Variants in ARAP1 observed in about 807,000 individuals in gnomAD.
The protein encoded by ARAP1 is arf-GAP with Rho-GAP domain, ANK repeat and PH domain-containing protein 1.
A neutral mutation model predicts 172.2 loss-of-function variants in ARAP1; 76 were observed. The observed-to-expected ratio is 0.44, with a 90% CI of 0.37 to 0.53. ARAP1 has a LOEUF of 0.53. ARAP1 is among the 20% of genes least tolerant of loss of function. The pLI, the probability that ARAP1 is intolerant of heterozygous loss-of-function variation, is 0.00. For synonymous variants in ARAP1, 804 were observed against 803.3 expected, an observed-to-expected ratio of 1.00 and a Z score of -0.01; for missense variants, 1,686 against 1,977.5, an observed-to-expected ratio of 0.85 and a Z score of 2.80.
chr11:72,719,653 C>T (rs1857426110), intron 3 of ARAP1, among the ~76,000 whole-genome samples: 1 of 152,228 alleles, frequency 6.6e-6, no homozygotes, highest in Non-Finnish European at 1.5e-5. Context: ...TTCTCCTTCA[C>T]CCCTACCCGT....
rs1490180417 is a variant in ARAP1 at position 72,702,906 on chromosome 11, T to C, written c.2166A>G (p.Thr722=). 2.6e-6 allele frequency: 4 copies of C among 1,553,276 alleles called. No individual in the cohort carries two copies. Among genetic ancestry groups the C allele is most frequent in the East Asian group, 4.9e-5 (2 of 41,130 alleles). Reference sequence around the variant, plus strand: ...ACCCCCACCCTCTGCCACGCTCACCTGTGGTCCGGTTGTTCCGAAGGAATT... The same window carrying C: ...ACCCCCACCCTCTGCCACGCTCACCCGTGGTCCGGTTGTTCCGAAGGAATT... ...QMEFLRNNRT[T]EVPRLDSMKP... is the part of the protein sequence containing the mutation. The change falls in exon 15 of 35, where the codon ACA becomes ACG. Residue 722 remains threonine, a splice_region_variant and synonymous_variant. Transcript: ENST00000393609.
At chr11:72,751,271 C>T (rs1681503) in intron 1 of ARAP1, among the ~76,000 whole-genome samples, 147,493 of 152,232 alleles carry the variant, frequency 0.97, 71,618 homozygotes, top group African/African-American at 1. Flanking sequence ...GCCACACCCA[C>T]CTTTCTGCCA....
In ARAP1 at chr11:72,693,391, T is replaced by A; in HGVS notation, c.3888A>T (p.Ser1296=). 1 of 1,613,930 alleles carries A rather than the reference T, an allele frequency of 6.2e-7. No individual in the cohort carries two copies. The highest frequency in any genetic ancestry group is 8.5e-7 in the Non-Finnish European group (1 of 1,179,860). The change falls in exon 29 of 35, where the codon TCA becomes TCT. Residue 1296 remains serine (S), a synonymous_variant. Coordinates refer to ENST00000393609, the MANE Select transcript of ARAP1 (RefSeq NM_001040118.3). The surrounding 1 kb of genome is among the most constrained non-coding windows in gnomAD (Gnocchi z 4.6). ...DRSLLGLGLP[S]GGFHDRYFIL... ...TGAAGTAGCGATCGTGGAAGCCACC[T>A]GAGGGCAGGCCCAGGCCCAGGAGGC... is the stretch of plus-strand genomic sequence containing the variant.
intron 1 of ARAP1, among the ~76,000 whole-genome samples, chr11:72,751,035 G>A (rs1858515827): frequency 6.6e-6 from 1 of 152,148 alleles, no homozygotes; most frequent in South Asian, 2.1e-4. Flanking sequence ...TAAAGCTGGG[G>A]TTGAGTAGGA....
Position 72,696,555 on chromosome 11 carries a change from AGGT to A in ARAP1, c.3263_3265del (p.His1088del). On this transcript the variant is annotated inframe_deletion, in exon 23 of 35. Coordinates refer to ENST00000393609, the MANE Select transcript of ARAP1 (RefSeq NM_001040118.3). The stretch of plus-strand genomic sequence containing the variant: ...CAATGGTATCGTCCCTCACCAGTAC[AGGT>A]GGCTGATAAGGGCCTTCACTGTGGC... 2 of 1,575,906 alleles carry A rather than the reference AGGT, an allele frequency of 1.3e-6. No homozygotes were observed. The highest frequency in any genetic ancestry group is 1.7e-6 in the Non-Finnish European group (2 of 1,157,532).
intron 3 of ARAP1, among the ~76,000 whole-genome samples, chr11:72,716,294 C>T (rs1193513393): frequency 1.3e-5 from 2 of 151,932 alleles, no homozygotes; most frequent in African/African-American, 2.4e-5. Context: ...TCTTAGGACA[C>T]TTGGCTACTT....
chr11:72,723,263 G>A (rs1029890253), intron 3 of ARAP1, among the ~76,000 whole-genome samples: 5 of 152,014 alleles, frequency 3.3e-5, no homozygotes, highest in Non-Finnish European at 7.4e-5. Context: ...AGCTATCATG[G>A]CACCACTGCA....
chr11:72,745,960 C>G (rs953105688), intron 1 of ARAP1, among the ~76,000 whole-genome samples: 1 of 152,124 alleles, frequency 6.6e-6, no homozygotes, highest in Non-Finnish European at 1.5e-5. Flanking sequence ...TCAAGCCCAG[C>G]CTTCTATACC....
Position 72,710,324 on chromosome 11 carries a change from G to A in ARAP1, c.1416+61C>T. The stretch of plus-strand genomic sequence containing the variant: ...AGAAAAGGCAGGGCTAAGGCCCTAG[G>A]TCAGCCTGGGGCAGGGTAGGTGGAC... On this transcript the variant is annotated intron_variant, in intron 10 of 34. Transcript: ENST00000393609. The surrounding 1 kb of genome is among the most constrained non-coding windows in gnomAD (Gnocchi z 4.3). The A allele has an allele frequency of 6.3e-7, 1 of 1,594,938 alleles. No homozygotes were observed. Among genetic ancestry groups the A allele is most frequent in the Non-Finnish European group, 8.6e-7 (1 of 1,165,318 alleles).
chr11:72,740,675 C>T (rs113456559), intron 1 of ARAP1, among the ~76,000 whole-genome samples: 110 of 152,304 alleles, frequency 7.2e-4, no homozygotes, highest in Middle Eastern at 6.8e-3. Context: ...TCCCTGCCCC[C>T]GACTTACCCT....
Position 72,702,924 on chromosome 11 carries a change from A to G in ARAP1, c.2148T>C (p.Leu716=), listed in dbSNP as rs947935447. 4.5e-6 allele frequency: 7 copies of G among 1,556,566 alleles called. No individual in the cohort carries two copies. In the African/African-American group the frequency reaches 9.5e-5, roughly 21 times the overall value. ...QAGQTLQMEF[L]RNNRTTEVPR... is the part of the protein sequence containing the mutation. ...GCTCACCTGTGGTCCGGTTGTTCCG[A>G]AGGAATTCCATCTGCAGCGTCTGCC... The change falls in exon 15 of 35, where the codon CTT becomes CTC. Residue 716 remains leucine (L), a synonymous_variant. Coordinates refer to ENST00000393609, the MANE Select transcript of ARAP1 (RefSeq NM_001040118.3).
chr11:72,727,705 AG>A (rs985128894), intron 2 of ARAP1, among the ~76,000 whole-genome samples: 1 of 152,226 alleles, frequency 6.6e-6, no homozygotes, highest in Non-Finnish European at 1.5e-5. Flanking sequence ...ATGCCCCTGG[AG>A]GAAGTGAAAT....
At chr11:72,687,385 C>T (rs2135483088) in intron 33 of ARAP1, 54 bp downstream of exon 33, 1 of 1,606,802 alleles carries the variant, frequency 6.2e-7, no homozygotes, top group Non-Finnish European at 8.5e-7. Flanking sequence ...CCCCATTCTC[C>T]ATAATGGAAG....
intron 1 of ARAP1, among the ~76,000 whole-genome samples, chr11:72,743,375 A>ACCCCCAC (rs1858258588): frequency 6.6e-6 from 1 of 151,002 alleles, no homozygotes; most frequent in Non-Finnish European, 1.5e-5. Context: ...CCCACCCCCA[A>ACCCCCAC]CCCCCACCTC....
At chr11:72,697,543 G>A (rs1346753561) in intron 20 of ARAP1, 55 bp downstream of exon 20, 2 of 1,613,238 alleles carry the variant, frequency 1.2e-6, no homozygotes, top group Non-Finnish European at 1.7e-6. Context: ...CCTGTCCCCA[G>A]GCCCATCAGA....
chr11:72,731,674 A>G (rs963727773), intron 2 of ARAP1, among the ~76,000 whole-genome samples: 1 of 152,216 alleles, frequency 6.6e-6, no homozygotes, highest in Non-Finnish European at 1.5e-5. Flanking sequence ...CTTTTGCAAA[A>G]TTCACAAAAA....
In ARAP1 at chr11:72,697,179, G is replaced by A; in HGVS notation, c.2970C>T (p.Gly990=). 1.2e-6 allele frequency: 2 copies of A among 1,602,478 alleles called. No individual in the cohort carries two copies. The highest frequency in any genetic ancestry group is 1.1e-5 in the South Asian group (1 of 91,084). The change falls in exon 22 of 35, where the codon GGC becomes GGT. Residue 990 remains glycine (G), a synonymous_variant. Transcript: ENST00000393609. ...YITQCGLTSE[G]IYRKCGQTSK... is the part of the protein sequence containing the mutation. ...ATGTCTGCCCACACTTGCGGTAGAT[G>A]CCCTCGGAGGTCAGGCCTAGGGAGG...
In ARAP1 at chr11:72,717,083, C is replaced by T. The variant is rs966185666; in HGVS notation, c.510-2762G>A. On this transcript the variant is annotated intron_variant, in intron 3 of 34. Coordinates refer to ENST00000393609, the MANE Select transcript of ARAP1 (RefSeq NM_001040118.3). ...TGGACAAGGTGGGTGGACAGGTGGG[C>T]AGGTGGAAGGGAAGGCAACGGAAGG... Among the ~76,000 whole-genome samples the T allele has an allele frequency of 6.6e-5, 10 of 152,182 alleles. No individual in the cohort carries two copies. The East Asian group carries it at 1.9e-3, about 29-fold the overall frequency.
chr11:72,714,174 C>A lies in ARAP1; in HGVS notation c.657G>T (p.Pro219=). 2 of 1,503,020 alleles carry A rather than the reference C, an allele frequency of 1.3e-6. No individual in the cohort carries two copies. The highest frequency in any genetic ancestry group is 1.3e-5 in the South Asian group (1 of 75,182). 93.1% of individuals were successfully genotyped at this position (1,503,020 alleles called of 1,614,324 possible). Residue 219 remains proline, a synonymous_variant, in exon 4 of 35, where the codon CCG becomes CCT. Transcript: ENST00000393609. ...PPCPPEIPPK[P]VRLFPEFDDS... ...CACCGAACTCTGGGAACAGGCGTAC[C>A]GGCTTTGGAGGTATCTCCGGGGGGC...
Sources: allele counts gnomAD v4.1 joint callset (sites outside exome capture counted in the v4.1 genomes callset), GRCh38; gene constraint gnomAD v4.1.1; non-coding constraint Gnocchi (gnomAD v3.1); transcripts MANE v1.5; gene names NCBI Gene and HGNC (gene_info 2026-07-23, HGNC 2026-07-21).